The following AGAP4 variants were observed in gnomAD, a reference collection of about 807,000 sequenced individuals.
AGAP4 encodes the protein ArfGAP with GTPase domain, ankyrin repeat and PH domain 4, also known as arf-GAP with GTPase, ANK repeat and PH domain-containing protein 4.
In AGAP4, 13 loss-of-function variants were observed where a neutral mutation model predicts 60.7. The ratio of observed to expected loss-of-function variants is 0.21; its 90% CI spans 0.14 to 0.34. The LOEUF (loss-of-function observed/expected upper bound fraction) is 0.34. AGAP4 is among the 10% of genes least tolerant of loss of function. AGAP4 has a pLI of 1.00. For synonymous variants in AGAP4, 70 were observed against 339.0 expected, an observed-to-expected ratio of 0.21 and a Z score of 8.72; for missense variants, 169 against 884.0, an observed-to-expected ratio of 0.19 and a Z score of 10.26.
At chr10:45,847,954 C>G (rs2059027030), upstream of AGAP4, 8 of 1,038,648 alleles carry the variant, frequency 7.7e-6, no homozygotes, top group Non-Finnish European at 9.3e-6. Context: ...AGATTTTAGT[C>G]CTAAGAAAAG....
At chr10:45,853,637 A>T (rs2059109743) in intron 1 of AGAP4, 1 of 1,286,486 alleles carries the variant, frequency 7.8e-7, no homozygotes, top group Non-Finnish European at 1.0e-6. Context: ...ACAGCCATGG[A>T]TCGGGAGACC....
upstream of AGAP4, among the ~76,000 whole-genome samples, chr10:45,851,816 C>T (rs1436401311): frequency 1.3e-5 from 2 of 151,682 alleles, no homozygotes; most frequent in Admixed American, 6.6e-5. Flanking sequence ...TGGACTCCTA[C>T]AAAAGCAAGA....
rs1181291244 is a variant in AGAP4 at position 45,825,717 on chromosome 10, A to C, written c.*198T>G. On this transcript the variant is annotated 3_prime_UTR_variant, in exon 8 of 8. Coordinates refer to ENST00000616763, the MANE Select transcript of AGAP4 (RefSeq NM_001276343.3). ...TGGCCAGGAGGGCCTGAGACTAACA[A>C]ATCCACCTTGGCAAAAGGACATAAA... The C allele has an allele frequency of 8.4e-5, 50 of 598,368 alleles. No individual in the cohort carries two copies. The highest frequency in any genetic ancestry group is 3.4e-4 in the African/African-American group (18 of 53,690). The allele number at this position is 598,368 out of a possible 1,614,324, so 37.1% of individuals were successfully genotyped here.
intron 2 of AGAP4, 180 bp from the exon 3 acceptor site, chr10:45,844,574 G>A (rs1447657116): frequency 6.8e-6 from 7 of 1,024,860 alleles, no homozygotes; most frequent in Admixed American, 3.1e-5. Flanking sequence ...TGTAGTCCCA[G>A]CTACTCAGGA....
chr10:45,837,066 C>G (rs1249775589), intron 4 of AGAP4, among the ~76,000 whole-genome samples: 4 of 138,554 alleles, frequency 2.9e-5, no homozygotes, highest in Non-Finnish European at 4.8e-5. Context: ...GGGATTTCAC[C>G]ATGTTGGCCA....
upstream of AGAP4, among the ~76,000 whole-genome samples, chr10:45,850,967 CTG>C (rs1341281034): frequency 6.6e-6 from 1 of 151,938 alleles, no homozygotes; most frequent in Non-Finnish European, 1.5e-5. Context: ...TTAAGCGTAA[CTG>C]GGGAAATTTC....
intron 4 of AGAP4, among the ~76,000 whole-genome samples, chr10:45,835,055 G>C (rs1446145629): frequency 1.4e-5 from 2 of 146,130 alleles, no homozygotes; most frequent in African/African-American, 5.4e-5. Flanking sequence ...TTACAGGCGT[G>C]AGCCACGGCG....
upstream of AGAP4, among the ~76,000 whole-genome samples, chr10:45,849,318 A>G (rs1457493304): frequency 2.0e-5 from 3 of 151,720 alleles, no homozygotes; most frequent in Non-Finnish European, 4.4e-5. Context: ...CCGTGATCCA[A>G]TCACCTCCCC....
intron 4 of AGAP4, among the ~76,000 whole-genome samples, chr10:45,839,630 C>A (rs2058885170): frequency 8.8e-6 from 1 of 113,126 alleles, no homozygotes; most frequent in Admixed American, 8.2e-5. Flanking sequence ...AAAAAAGATC[C>A]CCAGATAATA....
At position 45,826,905 on chromosome 10, in the gene AGAP4, G is replaced by C. The variant is rs2058657584; in HGVS notation, c.1071C>G (p.Thr357=). 2.4e-6 allele frequency: 3 copies of C among 1,263,366 alleles called. 1 individual carries two copies. Among genetic ancestry groups the C allele is most frequent in the African/African-American group, 2.0e-5 (1 of 49,224 alleles). The allele number at this position is 1,263,366 out of a possible 1,614,324, so 78.3% of individuals were successfully genotyped here. Residue 357 remains threonine, a synonymous_variant, in exon 8 of 8, where the codon ACC becomes ACG. Coordinates refer to ENST00000616763, the MANE Select transcript of AGAP4 (RefSeq NM_001276343.3). ...LATSACTPIS[T]SKSNGLSKDM... ...CCTTGGATAGGCCATTGCTTTTAGAGGTGGAGATGGGTGTGCAGGCCGATG... is the reference window on the plus strand; with the variant it reads ...CCTTGGATAGGCCATTGCTTTTAGACGTGGAGATGGGTGTGCAGGCCGATG...
intron 2 of AGAP4, among the ~76,000 whole-genome samples, chr10:45,844,786 A>AT (rs2058975200): frequency 6.7e-6 from 1 of 148,440 alleles, no homozygotes; most frequent in Admixed American, 6.7e-5. Context: ...TAGGCAAAAT[A>AT]TAAGATGTAT....
At position 45,828,355 on chromosome 10, in the gene AGAP4, A is replaced by C. The variant is rs1440114397; in HGVS notation, c.534-275T>G. Among the ~76,000 whole-genome samples the C allele has an allele frequency of 1.5e-3, 219 of 149,892 alleles. 3 individuals carry two copies. The Middle Eastern group carries it at 0.025, about 17-fold the overall frequency. On this transcript the variant is annotated intron_variant, in intron 6 of 7. Transcript: ENST00000616763. ...CAGGCCATGGCAATAAACCAAACATATTTTCACTCTTCTAACCACACATTG... is the reference window on the plus strand; with the variant it reads ...CAGGCCATGGCAATAAACCAAACATCTTTTCACTCTTCTAACCACACATTG...
At chr10:45,849,467 G>GATTATTATT (rs1247329457), upstream of AGAP4, among the ~76,000 whole-genome samples, 4 of 137,972 alleles carry the variant, frequency 2.9e-5, no homozygotes, top group South Asian at 2.3e-4. Flanking sequence ...AGATGATGAT[G>GATTATTATT]ATGATGATTA....
At chr10:45,847,602 C>T (rs1186462513), upstream of AGAP4, 49 of 1,421,182 alleles carry the variant, frequency 3.4e-5, no homozygotes, top group Non-Finnish European at 3.9e-5. Context: ...GAAGACCAGC[C>T]GGCTTATTTA....
At chr10:45,836,867 T>A (rs1292630090) in intron 4 of AGAP4, among the ~76,000 whole-genome samples, 2 of 143,882 alleles carry the variant, frequency 1.4e-5, no homozygotes, top group East Asian at 4.0e-4. Flanking sequence ...TGGTGGATTA[T>A]CTTTTTTTTT....
In AGAP4 at chr10:45,844,630, C is replaced by T. The variant is rs1439830226; in HGVS notation, c.293-236G>A. On this transcript the variant is annotated intron_variant, in intron 2 of 7. Transcript: ENST00000616763. ...TTGAACCCAGGTCAGGAAGTTGAGG[C>T]CAGCATGAGTAACATAATGACACCC... 146 of 404,066 alleles carry T rather than the reference C, an allele frequency of 3.6e-4. 2 individuals carry two copies. The highest frequency in any genetic ancestry group is 3.1e-3 in the African/African-American group (127 of 41,226). 25.0% of individuals were successfully genotyped at this position (404,066 alleles called of 1,614,324 possible). A position where few individuals can be genotyped will look rare whatever the true frequency, so the allele number is the denominator to read the frequency against.
chr10:45,852,214 C>CT (rs1325098285), upstream of AGAP4, among the ~76,000 whole-genome samples: 4 of 84,714 alleles, frequency 4.7e-5, no homozygotes, highest in South Asian at 9.6e-4. Flanking sequence ...CCCGGCCAGA[C>CT]TTTAAAAAAA....
chr10:45,847,569 T>G, upstream of AGAP4: 2 of 1,436,884 alleles, frequency 1.4e-6, no homozygotes, highest in East Asian at 5.0e-5. Context: ...CTGCCTCCCC[T>G]GAGTTGACTT....
chr10:45,836,320 T>A (rs1177028246), intron 4 of AGAP4, among the ~76,000 whole-genome samples: 13 of 152,070 alleles, frequency 8.5e-5, no homozygotes, highest in African/African-American at 3.1e-4. Flanking sequence ...ATAACAGAGC[T>A]ACTGATTTGT....
Sources: gnomAD v4.1 joint callset for allele counts (sites outside exome capture counted in the v4.1 genomes callset) on GRCh38, gnomAD v4.1.1 for gene constraint, MANE v1.5 for transcripts, NCBI Gene and HGNC (gene_info 2026-07-23, HGNC 2026-07-21) for gene names.